CELF2: variants seen among roughly 807,000 people sequenced by gnomAD.
CELF2 encodes the protein CUG triplet repeat RNA-binding protein 2.
CELF2 carries 8 observed loss-of-function variants against 62.6 expected under a neutral mutation model. The observed-to-expected ratio is 0.13, with a 90% confidence interval of 0.07 to 0.23. The LOEUF (loss-of-function observed/expected upper bound fraction) is 0.23. CELF2 is among the 10% of genes least tolerant of loss of function. CELF2 has a pLI of 1.00. For synonymous variants in CELF2, 258 were observed against 250.0 expected (o/e 1.03, Z -0.30); for missense variants, 333 against 671.0 (o/e 0.50, Z 5.56).
At chr10:10,815,064 G>A (rs1229044247) in intron 1 of CELF2, among the ~76,000 whole-genome samples, 2 of 152,196 alleles carry the variant, frequency 1.3e-5, no homozygotes, top group Non-Finnish European at 2.9e-5. Context: ...GAAGAATGGG[G>A]CTTTGAGAAG....
intron 1 of CELF2, among the ~76,000 whole-genome samples, chr10:10,892,069 A>T (rs956751385): frequency 6.6e-6 from 1 of 152,354 alleles, no homozygotes; most frequent in Non-Finnish European, 1.5e-5. Context: ...ATGCAAAAAA[A>T]ACCTTTATTT....
At chr10:10,810,067 G>A (rs2131697043) in intron 1 of CELF2, among the ~76,000 whole-genome samples, 1 of 152,284 alleles carries the variant, frequency 6.6e-6, no homozygotes. Context: ...AATTAGGATA[G>A]AACTCTTTTA....
the CELF2 span, among the ~76,000 whole-genome samples, chr10:10,701,795 C>T: frequency 3.9e-5 from 6 of 152,312 alleles, no homozygotes; most frequent in South Asian, 2.1e-4. Context: ...GCCATCACCT[C>T]GCTTAGAGAC....
the CELF2 span, among the ~76,000 whole-genome samples, chr10:10,642,596 C>A: frequency 6.6e-6 from 1 of 152,160 alleles, no homozygotes; most frequent in Non-Finnish European, 1.5e-5. Context: ...TTTCCTTGCC[C>A]CCTTCCCTCC....
At chr10:11,277,341 G>C (rs1016293525) in intron 8 of CELF2, among the ~76,000 whole-genome samples, 2 of 152,208 alleles carry the variant, frequency 1.3e-5, no homozygotes, top group African/African-American at 2.4e-5. Context: ...CTTCCTAGGA[G>C]AAACTTTCCC....
chr10:11,127,065 C>T (rs961071432), intron 1 of CELF2, among the ~76,000 whole-genome samples: 4 of 152,040 alleles, frequency 2.6e-5, no homozygotes, highest in South Asian at 2.1e-4. Flanking sequence ...CCTCATGACA[C>T]GCCCCACTAT....
the CELF2 span, among the ~76,000 whole-genome samples, chr10:10,726,284 T>C: frequency 6.6e-6 from 1 of 152,136 alleles, no homozygotes; most frequent in African/African-American, 2.4e-5. Flanking sequence ...CTTTTTCCGT[T>C]GTGTTTGGCT....
intron 1 of CELF2, among the ~76,000 whole-genome samples, chr10:11,161,751 T>C (rs1315790710): frequency 2.0e-5 from 3 of 152,108 alleles, no homozygotes; most frequent in African/African-American, 7.2e-5. Flanking sequence ...GCTAGTCTGA[T>C]TTTCTAAGCC....
At chr10:11,126,979 G>A (rs2058809454) in intron 1 of CELF2, among the ~76,000 whole-genome samples, 1 of 151,636 alleles carries the variant, frequency 6.6e-6, no homozygotes, top group African/African-American at 2.4e-5. Flanking sequence ...GATGTGCCAT[G>A]TTCGTTTGCT....
At chr10:11,317,277 G>A (rs1565953118) in intron 10 of CELF2, 1 of 151,890 alleles carries the variant, frequency 6.6e-6, no homozygotes, top group African/African-American at 2.4e-5. Flanking sequence ...ATATTTTCGT[G>A]GCTTGGCACT....
At chr10:10,540,220 A>G in the CELF2 span, among the ~76,000 whole-genome samples, 1 of 152,224 alleles carries the variant, frequency 6.6e-6, no homozygotes, top group Admixed American at 6.5e-5. Context: ...CAAAGTCTGG[A>G]AAGATGCATG....
chr10:10,608,724 G>A, the CELF2 span, among the ~76,000 whole-genome samples: 2 of 152,092 alleles, frequency 1.3e-5, no homozygotes, highest in African/African-American at 2.4e-5. Flanking sequence ...CAGCCACTGA[G>A]ACCAAATAGA....
Position 11,285,260 on chromosome 10 carries a change from A to G in CELF2, c.842-3158A>G, listed in dbSNP as rs2090841049. 6.6e-6 allele frequency among the ~76,000 whole-genome samples: 1 copy of G among 152,094 alleles called. No individual in the cohort carries two copies. The highest frequency in any genetic ancestry group is 1.5e-5 in the Non-Finnish European group (1 of 68,004). On this transcript the variant is annotated intron_variant, in intron 8 of 12. Coordinates refer to ENST00000633077, the MANE Select transcript of CELF2 (RefSeq NM_001326342.2). This position sits in a 1 kb window ranked among gnomAD's most constrained non-coding sequence, Gnocchi z 4.3. The stretch of plus-strand genomic sequence containing the variant: ...ACATCCCTCAGATGCTGGGGATCAC[A>G]GTGTCCTCTCCTTTCCACTCTTCAT...
chr10:10,776,961 G>A, the CELF2 span, among the ~76,000 whole-genome samples: 7 of 152,126 alleles, frequency 4.6e-5, no homozygotes, highest in African/African-American at 1.2e-4. Flanking sequence ...TATGCCATTC[G>A]GCCAATCACT....
intron 1 of CELF2, among the ~76,000 whole-genome samples, chr10:10,891,166 G>A (rs1167335959): frequency 6.6e-6 from 1 of 152,056 alleles, no homozygotes; most frequent in Non-Finnish European, 1.5e-5. Flanking sequence ...AGTAATTTTT[G>A]GATTATCTGT....
the CELF2 span, among the ~76,000 whole-genome samples, chr10:10,476,203 T>C: frequency 8.9e-6 from 1 of 112,840 alleles, no homozygotes; most frequent in Non-Finnish European, 1.9e-5. Context: ...CAAGGAAAGA[T>C]TATTTATCAT....
At chr10:10,601,179 G>T in the CELF2 span, among the ~76,000 whole-genome samples, 3 of 152,186 alleles carry the variant, frequency 2.0e-5, no homozygotes, top group Non-Finnish European at 4.4e-5. Context: ...ACTGAATGGG[G>T]TTTTAATTTC....
chr10:11,284,458 G>C (rs1240811872), intron 8 of CELF2, among the ~76,000 whole-genome samples: 2 of 148,806 alleles, frequency 1.3e-5, no homozygotes, highest in Non-Finnish European at 3.0e-5. Context: ...GGGTGGATGA[G>C]GGATGAGTGT....
chr10:11,134,545 G>A lies in CELF2; in HGVS notation c.75-30941G>A, dbSNP rs151335288. On this transcript the variant is annotated intron_variant, in intron 1 of 12. Transcript: ENST00000633077. ...CCTTCCAGTGCTGATTGTCCTCGGC[G>A]GTGCCCATAGGTGACTCTGTCTTCC... Among the ~76,000 whole-genome samples the A allele has an allele frequency of 7.9e-5, 12 of 152,286 alleles. No homozygotes were observed. In the East Asian group the frequency reaches 1.5e-3, roughly 20 times the overall value.
Sources: gnomAD v4.1 joint callset for allele counts (sites outside exome capture counted in the v4.1 genomes callset) on GRCh38, gnomAD v4.1.1 for gene constraint, Gnocchi (gnomAD v3.1) non-coding constraint, MANE v1.5 for transcripts, NCBI Gene and HGNC (gene_info 2026-07-23, HGNC 2026-07-21) for gene names.